CELF5: variants seen among roughly 807,000 people sequenced by gnomAD.
CELF5 encodes CUG-BP and ETR-3 like factor 5.
In CELF5, 6 loss-of-function variants were observed where a neutral mutation model predicts 54.9. The observed-to-expected ratio is 0.11, with a 90% confidence interval of 0.06 to 0.22. The LOEUF (loss-of-function observed/expected upper bound fraction) is 0.22. CELF5 is among the 10% of genes least tolerant of loss of function. CELF5 has a pLI of 1.00. For missense variants in CELF5, 401 were observed against 678.6 expected (o/e 0.59, Z 4.54); for synonymous variants, 271 against 290.9 (o/e 0.93, Z 0.70).
chr19:3,282,869 C>T lies in CELF5; in HGVS notation c.1039+371C>T, dbSNP rs150936194. 2.0e-5 allele frequency among the ~76,000 whole-genome samples: 3 copies of T among 152,298 alleles called. No individual in the cohort carries two copies. Among genetic ancestry groups the T allele is most frequent in the East Asian group, 3.9e-4 (2 of 5,190 alleles). On this transcript the variant is annotated intron_variant, in intron 8 of 12. Transcript: ENST00000292672. The surrounding 1 kb of genome is among the most constrained non-coding windows in gnomAD (Gnocchi z 5.2). Reference sequence around the variant, plus strand: ...GGCTTCACACAGGGTCTCACTCTGTCGCCCAGGCTGCATTGCAGTGGCACA... The same window carrying T: ...GGCTTCACACAGGGTCTCACTCTGTTGCCCAGGCTGCATTGCAGTGGCACA...
intron 2 of CELF5, among the ~76,000 whole-genome samples, chr19:3,256,524 G>A (rs574149800): frequency 3.1e-4 from 47 of 149,398 alleles, no homozygotes; most frequent in African/African-American, 1.1e-3. Flanking sequence ...GACTCAGGAC[G>A]GAGGTTTCAT....
intron 2 of CELF5, among the ~76,000 whole-genome samples, chr19:3,264,573 G>A (rs979950993): frequency 4.1e-4 from 62 of 151,166 alleles, no homozygotes; most frequent in South Asian, 1.7e-3. Flanking sequence ...CCGCCACCAC[G>A]CCCGGCTAAT....
At chr19:3,284,054 C>G (rs956978018) in intron 8 of CELF5, among the ~76,000 whole-genome samples, 4 of 151,510 alleles carry the variant, frequency 2.6e-5, no homozygotes, top group Non-Finnish European at 5.9e-5. Context: ...GCTATGTTGC[C>G]CAAGCTGGTC....
chr19:3,280,206 A>C (rs2080125214), intron 5 of CELF5, among the ~76,000 whole-genome samples: 1 of 152,108 alleles, frequency 6.6e-6, no homozygotes, highest in Non-Finnish European at 1.5e-5. Flanking sequence ...CAGGGCCCCC[A>C]GTCCCCACCA....
intron 1 of CELF5, among the ~76,000 whole-genome samples, chr19:3,227,045 C>T (rs1225866941): frequency 6.6e-6 from 1 of 152,150 alleles, no homozygotes; most frequent in South Asian, 2.1e-4. Flanking sequence ...CAATCACCCT[C>T]CACTTTTTAG....
Position 3,282,330 on chromosome 19 carries a change from A to G in CELF5, c.893-22A>G. The G allele has an allele frequency of 6.2e-7, 1 of 1,608,478 alleles. No homozygotes were observed. Among genetic ancestry groups the G allele is most frequent in the South Asian group, 1.1e-5 (1 of 91,034 alleles). ...GGCTGGAGCCAGAACTGGCCTCCCC[A>G]TGACCCTCTTCCGCTCTGCAGGGCT... is the stretch of plus-strand genomic sequence containing the variant. On this transcript the variant is annotated intron_variant, in intron 7 of 12. Transcript: ENST00000292672. This position sits in a 1 kb window ranked among gnomAD's most constrained non-coding sequence, Gnocchi z 5.2.
At chr19:3,248,203 T>C (rs2079593708) in intron 1 of CELF5, among the ~76,000 whole-genome samples, 1 of 152,212 alleles carries the variant, frequency 6.6e-6, no homozygotes, top group Non-Finnish European at 1.5e-5. Flanking sequence ...TTGCCTAGGC[T>C]GGATTGCAGT....
intron 2 of CELF5, chr19:3,270,745 GGA>G (rs1216171251): frequency 6.6e-6 from 1 of 152,072 alleles, no homozygotes; most frequent in Non-Finnish European, 1.5e-5. Flanking sequence ...GGCCTGGAGA[GGA>G]GGGGGCTACC....
chr19:3,291,631 G>A (rs945531802), intron 11 of CELF5, among the ~76,000 whole-genome samples: 4 of 151,204 alleles, frequency 2.6e-5, no homozygotes, highest in African/African-American at 7.3e-5. Context: ...TGGGAAATCT[G>A]GGGGAAGAGT....
chr19:3,293,856 T>G, intron 12 of CELF5: 1 of 169,952 alleles, frequency 5.9e-6, no homozygotes, highest in Admixed American at 5.8e-5. Flanking sequence ...TATGAGTCTG[T>G]TTTCCCTGCT....
chr19:3,231,822 A>T (rs1917279409), intron 1 of CELF5, among the ~76,000 whole-genome samples: 1 of 149,762 alleles, frequency 6.7e-6, no homozygotes, highest in African/African-American at 2.5e-5. Context: ...GGGTGGATAG[A>T]TGAGTGGATG....
chr19:3,239,607 T>A (rs995723572), intron 1 of CELF5, among the ~76,000 whole-genome samples: 2 of 151,804 alleles, frequency 1.3e-5, no homozygotes, highest in African/African-American at 4.8e-5. Flanking sequence ...GTAGCTCTTT[T>A]TCAGGGAGCC....
rs561784803 is a variant in CELF5, at chr19:3,275,001, G to A, written c.395-855G>A. ...CTCTGTCTCTCACAGTCTCTTTCGC[G>A]CGCACTCTCTCTCTGATCTGTCTCT... is the stretch of plus-strand genomic sequence containing the variant. On this transcript the variant is annotated intron_variant, in intron 3 of 12. Transcript: ENST00000292672. This position sits in a 1 kb window ranked among gnomAD's most constrained non-coding sequence, Gnocchi z 6.7. Among the ~76,000 whole-genome samples, 3 of 151,332 alleles carry A rather than the reference G, an allele frequency of 2.0e-5. No individual in the cohort carries two copies. The highest frequency in any genetic ancestry group is 2.9e-5 in the Non-Finnish European group (2 of 67,860).
chr19:3,231,778 G>C (rs1356844935), intron 1 of CELF5, among the ~76,000 whole-genome samples: 1 of 138,872 alleles, frequency 7.2e-6, no homozygotes, highest in Admixed American at 7.3e-5. Flanking sequence ...GGGTTGGTGG[G>C]TCAATGAGTG....
chr19:3,273,684 G>A (rs927289085), intron 2 of CELF5, among the ~76,000 whole-genome samples, 188 bp from the exon 3 acceptor site: 4 of 152,284 alleles, frequency 2.6e-5, no homozygotes, highest in Non-Finnish European at 4.4e-5. Flanking sequence ...CTAAGAGTTC[G>A]CCACACAGTT....
Position 3,230,955 on chromosome 19 carries a change from C to T in CELF5, c.259+5957C>T, listed in dbSNP as rs375714945. Among the ~76,000 whole-genome samples, 95 of 152,348 alleles carry T rather than the reference C, an allele frequency of 6.2e-4. No homozygotes were observed. In the South Asian group the frequency reaches 1.0e-2, roughly 16 times the overall value. On this transcript the variant is annotated intron_variant, in intron 1 of 12. Transcript: ENST00000292672. ...ACCCAGCCCAAGTCATACAGCAGTA[C>T]AGCTGGGCTTCACGCCTCCCAGCCT...
At chr19:3,296,032 A>T (rs923094272) in intron 12 of CELF5, 4 of 151,014 alleles carry the variant, frequency 2.6e-5, no homozygotes, top group Non-Finnish European at 5.9e-5. Flanking sequence ...GACGAACTTG[A>T]TAATGACCTT....
chr19:3,263,189 G>C (rs1025621455), intron 2 of CELF5, among the ~76,000 whole-genome samples: 2 of 149,956 alleles, frequency 1.3e-5, no homozygotes, highest in Non-Finnish European at 1.5e-5. Context: ...GAAGTTTGCG[G>C]TGAGCCGAGA....
intron 1 of CELF5, 98 bp downstream of exon 1, chr19:3,225,096 C>T (rs1916815624): frequency 2.6e-6 from 2 of 773,014 alleles, no homozygotes; most frequent in Non-Finnish European, 3.9e-6. Flanking sequence ...CCTCTGCTCA[C>T]CTCCCTCCTC....
Sources: allele counts gnomAD v4.1 joint callset (sites outside exome capture counted in the v4.1 genomes callset), GRCh38; gene constraint gnomAD v4.1.1; non-coding constraint Gnocchi (gnomAD v3.1); transcripts MANE v1.5; gene names NCBI Gene and HGNC (gene_info 2026-07-23, HGNC 2026-07-21).